Variants in KIF5C observed in about 807,000 individuals in gnomAD.
KIF5C encodes kinesin family member 5C, also known as kinesin heavy chain isoform 5C.
KIF5C carries 18 observed loss-of-function variants against 125.2 expected under a neutral mutation model. The ratio of observed to expected loss-of-function variants is 0.14; its 90% CI spans 0.10 to 0.21. KIF5C has a LOEUF of 0.21. Ranked by LOEUF, KIF5C falls within the 10% of genes least tolerant of loss-of-function variation. The pLI is 1.00. For synonymous variants in KIF5C, 405 were observed against 434.0 expected (o/e 0.93, Z 0.83); for missense variants, 780 against 1,183.8 (o/e 0.66, Z 5.01).
chr2:148,889,966 A>G (rs1681658599), intron 1 of KIF5C, among the ~76,000 whole-genome samples: 1 of 152,224 alleles, frequency 6.6e-6, no homozygotes, highest in Admixed American at 6.5e-5. Flanking sequence ...GTCTTACTTT[A>G]GAAGACACAG....
At chr2:148,952,943 A>G (rs1682701773) in intron 10 of KIF5C, among the ~76,000 whole-genome samples, 2 of 152,230 alleles carry the variant, frequency 1.3e-5, no homozygotes, top group Non-Finnish European at 2.9e-5. Context: ...ACTGTAAGGG[A>G]CAGCACTGTC....
Position 148,875,569 on chromosome 2 carries a change from G to GCCCCGGGGCCCCCCCCCCCC in KIF5C, c.-43_-42insGGCCCCCCCCCCCCCCCCGG. The GCCCCGGGGCCCCCCCCCCCC allele has an allele frequency of 1.4e-6, 1 of 689,868 alleles. No individual in the cohort carries two copies. Among genetic ancestry groups the GCCCCGGGGCCCCCCCCCCCC allele is most frequent in the East Asian group, 3.1e-5 (1 of 32,720 alleles). 42.7% of individuals were successfully genotyped at this position (689,868 alleles called of 1,614,324 possible). Reference sequence around the variant, plus strand: ...GCGGCCTCCTCCCTCGTCGTTCCCGGCCCCGGCCCCCCACCCATCCCCGTG... The same window carrying GCCCCGGGGCCCCCCCCCCCC: ...GCGGCCTCCTCCCTCGTCGTTCCCGGCCCCGGGGCCCCCCCCCCCCCCCCGGCCCCCCACCCATCCCCGTG... On this transcript the variant is annotated 5_prime_UTR_variant, in exon 1 of 26. Coordinates refer to ENST00000435030, the MANE Select transcript of KIF5C (RefSeq NM_004522.3).
chr2:148,927,038 A>G (rs1181008342), intron 2 of KIF5C, among the ~76,000 whole-genome samples: 2 of 152,210 alleles, frequency 1.3e-5, no homozygotes, highest in Non-Finnish European at 2.9e-5. Context: ...TGGCAGCAAG[A>G]AACAGATTCT....
chr2:148,983,658 A>G lies in KIF5C; in HGVS notation c.1608A>G (p.Leu536=), dbSNP rs1202002182. The part of the protein sequence containing the change: ...LTTTQRELSQ[L]QELSNHQKKR... ...CCACACAGAGAGAGCTGAGCCAGCT[A>G]CAAGAGCTTAGCAACCACCAGAAGA... Residue 536 remains leucine, a synonymous_variant, in exon 15 of 26, where the codon CTA becomes CTG. Coordinates refer to ENST00000435030, the MANE Select transcript of KIF5C (RefSeq NM_004522.3). 2 of 1,608,336 alleles carry G rather than the reference A, an allele frequency of 1.2e-6. No homozygotes were observed. Among genetic ancestry groups the G allele is most frequent in the Non-Finnish European group, 1.7e-6 (2 of 1,176,300 alleles).
intron 11 of KIF5C, among the ~76,000 whole-genome samples, chr2:148,962,638 G>A (rs915276116): frequency 7.2e-5 from 11 of 152,108 alleles, no homozygotes; most frequent in African/African-American, 2.7e-4. Flanking sequence ...CCCATCACTT[G>A]GCTAGCATGC....
intron 1 of KIF5C, among the ~76,000 whole-genome samples, chr2:148,890,589 A>G (rs370584334): frequency 6.6e-6 from 1 of 152,104 alleles, no homozygotes; most frequent in South Asian, 2.1e-4. Flanking sequence ...TAGAGGAGAG[A>G]GCAAGGTTGC....
At chr2:148,977,133 T>C (rs1318226144) in intron 12 of KIF5C, among the ~76,000 whole-genome samples, 2 of 152,230 alleles carry the variant, frequency 1.3e-5, no homozygotes, top group South Asian at 2.1e-4. Context: ...AGGGTAAATA[T>C]AGTTTGGGAA....
At chr2:148,934,612 C>G (rs1327251549) in intron 3 of KIF5C, among the ~76,000 whole-genome samples, 2 of 150,948 alleles carry the variant, frequency 1.3e-5, no homozygotes, top group Non-Finnish European at 3.0e-5. Flanking sequence ...CCACATATCA[C>G]ACATATACAA....
At position 148,875,555 on chromosome 2, in the gene KIF5C, C is replaced by G. The variant is rs1183746524; in HGVS notation, c.-63C>G. ...GGGCGGTGCAGCTCGCGGCCTCCTC[C>G]CTCGTCGTTCCCGGCCCCGGCCCCC... On this transcript the variant is annotated 5_prime_UTR_variant, in exon 1 of 26. Transcript: ENST00000435030. 1.5e-6 allele frequency: 2 copies of G among 1,347,262 alleles called. No homozygotes were observed. The allele number at this position is 1,347,262 out of a possible 1,614,324, so 83.5% of individuals were successfully genotyped here.
intron 4 of KIF5C, among the ~76,000 whole-genome samples, chr2:148,939,876 C>T (rs1297083865): frequency 6.6e-6 from 1 of 152,142 alleles, no homozygotes; most frequent in Non-Finnish European, 1.5e-5. Flanking sequence ...TTTCTTCCGC[C>T]TAGTCTCACA....
chr2:148,893,640 C>G (rs1681764870), intron 1 of KIF5C, among the ~76,000 whole-genome samples: 1 of 152,208 alleles, frequency 6.6e-6, no homozygotes, highest in Admixed American at 6.5e-5. Context: ...TTGGAATTAT[C>G]CCACTTGGAG....
intron 1 of KIF5C, among the ~76,000 whole-genome samples, chr2:148,895,629 AT>A (rs1681818861): frequency 6.6e-6 from 1 of 152,186 alleles, no homozygotes; most frequent in South Asian, 2.1e-4. Context: ...CGTAAATTCT[AT>A]TTAATATAAC....
At chr2:148,952,577 A>C (rs1682690418) in intron 10 of KIF5C, among the ~76,000 whole-genome samples, 3 of 152,142 alleles carry the variant, frequency 2.0e-5, no homozygotes, top group Admixed American at 1.3e-4. Flanking sequence ...CTAAACATGT[A>C]GGATGTCCTA....
At chr2:148,887,203 A>T (rs1181572864) in intron 1 of KIF5C, among the ~76,000 whole-genome samples, 1 of 152,214 alleles carries the variant, frequency 6.6e-6, no homozygotes, top group Non-Finnish European at 1.5e-5. Context: ...TGGATATGTT[A>T]GGTTAAGTAA....
intron 1 of KIF5C, among the ~76,000 whole-genome samples, chr2:148,907,364 G>T (rs1398512537): frequency 3.3e-5 from 5 of 152,220 alleles, no homozygotes; most frequent in Admixed American, 3.3e-4. Context: ...AAGCACATGG[G>T]CTCCAGACGC....
chr2:148,949,857 G>A lies in KIF5C; in HGVS notation c.733G>A (p.Glu245Lys), dbSNP rs1414769940. 5.0e-6 allele frequency: 8 copies of A among 1,613,752 alleles called. No individual in the cohort carries two copies. The highest frequency in any genetic ancestry group is 5.1e-6 in the Non-Finnish European group (6 of 1,179,820). Residue 245 changes from glutamate (E) to lysine (K), a missense_variant, in exon 9 of 26, where the codon GAG becomes AAG. By Grantham distance (56) the Glu-to-Lys change is moderately conservative. This residue lies in a region of KIF5C where 207 missense variants were observed against 441.2 expected (regional missense o/e 0.47). Transcript: ENST00000435030. ...CTGGTAGGTCAGCAAAACTGGTGCCGAGGGAGCTGTTCTTGACGAAGCTAA... is the reference window on the plus strand; with the variant it reads ...CTGGTAGGTCAGCAAAACTGGTGCCAAGGGAGCTGTTCTTGACGAAGCTAA... ...GSEKVSKTGA[E>K]GAVLDEAKNI...
rs1186314315 is a variant in KIF5C at position 148,876,190 on chromosome 2, A to G, written c.126+447A>G. Among the ~76,000 whole-genome samples, 1 of 152,184 alleles carries G rather than the reference A, an allele frequency of 6.6e-6. No homozygotes were observed. The highest frequency in any genetic ancestry group is 1.5e-5 in the Non-Finnish European group (1 of 68,024). ...ACCAAACGCCTTGCCTCTTCTTCTCACGACCCTAGCAAAAAAGAAAGAAAA... is the reference window on the plus strand; with the variant it reads ...ACCAAACGCCTTGCCTCTTCTTCTCGCGACCCTAGCAAAAAAGAAAGAAAA... On this transcript the variant is annotated intron_variant, in intron 1 of 25. Coordinates refer to ENST00000435030, the MANE Select transcript of KIF5C (RefSeq NM_004522.3). This position sits in a 1 kb window ranked among gnomAD's most constrained non-coding sequence, Gnocchi z 4.7.
intron 15 of KIF5C, among the ~76,000 whole-genome samples, chr2:148,987,819 C>G (rs1447385446): frequency 6.6e-6 from 1 of 152,070 alleles, no homozygotes; most frequent in Non-Finnish European, 1.5e-5. Context: ...TTCTTTTGGC[C>G]CACACTGACT....
Position 148,875,584 on chromosome 2 carries a change from C to T in KIF5C, c.-34C>T. On this transcript the variant is annotated 5_prime_UTR_variant, in exon 1 of 26. Transcript: ENST00000435030. Reference sequence around the variant, plus strand: ...GTCGTTCCCGGCCCCGGCCCCCCACCCATCCCCGTGCCCCCTCCCTACCGC... The same window carrying T: ...GTCGTTCCCGGCCCCGGCCCCCCACTCATCCCCGTGCCCCCTCCCTACCGC... 1.0e-6 allele frequency: 1 copy of T among 972,458 alleles called. No individual in the cohort carries two copies. The highest frequency in any genetic ancestry group is 1.6e-6 in the Non-Finnish European group (1 of 635,412). 60.2% of individuals were successfully genotyped at this position (972,458 alleles called of 1,614,324 possible). A position where few individuals can be genotyped will look rare whatever the true frequency, so the allele number is the denominator to read the frequency against.
Sources: allele counts gnomAD v4.1 joint callset (sites outside exome capture counted in the v4.1 genomes callset), GRCh38; gene constraint gnomAD v4.1.1; regional missense constraint gnomAD v4.1.1; non-coding constraint Gnocchi (gnomAD v3.1); transcripts MANE v1.5; gene names NCBI Gene and HGNC (gene_info 2026-07-23, HGNC 2026-07-21).